The following KIRREL3 variants were observed in gnomAD, a reference collection of about 807,000 sequenced individuals.
KIRREL3 encodes kirre like nephrin family adhesion molecule 3.
KIRREL3 carries 36 observed loss-of-function variants against 89.7 expected under a neutral mutation model. That is an observed-to-expected ratio of 0.40 (90% CI 0.31 to 0.53). The LOEUF (loss-of-function observed/expected upper bound fraction) is 0.53. KIRREL3 is among the 20% of genes least tolerant of loss of function. The pLI is 0.49. For synonymous variants in KIRREL3, 445 were observed against 441.4 expected (o/e 1.01, Z -0.10); for missense variants, 864 against 1,056.6 (o/e 0.82, Z 2.53).
At chr11:126,716,915 T>C (rs1481718898) in intron 1 of KIRREL3, among the ~76,000 whole-genome samples, 2 of 152,054 alleles carry the variant, frequency 1.3e-5, no homozygotes, top group Non-Finnish European at 2.9e-5. Flanking sequence ...CCTGGTTACC[T>C]GGGAAGGCGG....
chr11:126,954,825 C>T lies in KIRREL3; in HGVS notation c.55+45630G>A, dbSNP rs1044776881. On this transcript the variant is annotated intron_variant, in intron 1 of 16. Transcript: ENST00000525144. This position sits in a 1 kb window ranked among gnomAD's most constrained non-coding sequence, Gnocchi z 4.1. ...TTTCTCATAGAAGGCAGAAATTTAT[C>T]TCCTGGAGTGTTCACCTATCATCAT... is the stretch of plus-strand genomic sequence containing the variant. Among the ~76,000 whole-genome samples the T allele has an allele frequency of 6.6e-6, 1 of 152,140 alleles. No homozygotes were observed. Among genetic ancestry groups the T allele is most frequent in the Non-Finnish European group, 1.5e-5 (1 of 68,038 alleles).
chr11:126,788,718 G>A lies in KIRREL3; in HGVS notation c.55+211737C>T, dbSNP rs1009796713. ...AAAGGCCCTACAATTGCTATCAAAG[G>A]AACTGATTGTTTTGATCTGGAAGCC... On this transcript the variant is annotated intron_variant, in intron 1 of 16. Transcript: ENST00000525144. The surrounding 1 kb of genome is among the most constrained non-coding windows in gnomAD (Gnocchi z 4.1). Among the ~76,000 whole-genome samples, 1 of 152,146 alleles carries A rather than the reference G, an allele frequency of 6.6e-6. No individual in the cohort carries two copies. Among genetic ancestry groups the A allele is most frequent in the African/African-American group, 2.4e-5 (1 of 41,434 alleles).
At chr11:126,586,534 G>A (rs1941867349) in intron 1 of KIRREL3, among the ~76,000 whole-genome samples, 1 of 151,976 alleles carries the variant, frequency 6.6e-6, no homozygotes, top group Non-Finnish European at 1.5e-5. Flanking sequence ...AGGCATCGGT[G>A]TTGTTACTTT....
At chr11:126,839,917 G>A (rs1946060) in intron 1 of KIRREL3, among the ~76,000 whole-genome samples, 38,387 of 152,112 alleles carry the variant, frequency 0.25, 4,906 homozygotes, top group Admixed American at 0.31. Flanking sequence ...GGACAAGGAT[G>A]AATCCTCTTC....
chr11:126,759,959 A>G (rs573072834), intron 1 of KIRREL3, among the ~76,000 whole-genome samples: 1 of 152,142 alleles, frequency 6.6e-6, no homozygotes, highest in East Asian at 1.9e-4. Flanking sequence ...TAACACAGAC[A>G]TCCCATGCCA....
intron 2 of KIRREL3, among the ~76,000 whole-genome samples, chr11:126,547,047 T>C (rs1377832722): frequency 1.3e-5 from 2 of 152,226 alleles, no homozygotes; most frequent in Non-Finnish European, 2.9e-5. Context: ...AAATAAATAA[T>C]CTGTATAGTA....
At chr11:126,503,173 A>G (rs983031506) in intron 4 of KIRREL3, among the ~76,000 whole-genome samples, 22 of 152,110 alleles carry the variant, frequency 1.4e-4, no homozygotes, top group East Asian at 5.8e-4. Context: ...CTGTTTTTCT[A>G]TGGTTTGGTG....
intron 1 of KIRREL3, among the ~76,000 whole-genome samples, chr11:126,785,692 G>T (rs769626891): frequency 3.9e-5 from 6 of 151,926 alleles, no homozygotes; most frequent in Non-Finnish European, 8.8e-5. Context: ...CATCCAACAT[G>T]GTGAAACTCT....
Position 126,684,291 on chromosome 11 carries a change from G to A in KIRREL3, c.56-121379C>T, listed in dbSNP as rs1442686014. Among the ~76,000 whole-genome samples the A allele has an allele frequency of 6.6e-6, 1 of 152,238 alleles. No homozygotes were observed. The highest frequency in any genetic ancestry group is 1.5e-5 in the Non-Finnish European group (1 of 68,050). ...CCCATTTCTGCCCTTCTGAAAGCGGGAGTTAGACTAGATTGGGGCTTTCAA... is the reference window on the plus strand; with the variant it reads ...CCCATTTCTGCCCTTCTGAAAGCGGAAGTTAGACTAGATTGGGGCTTTCAA... On this transcript the variant is annotated intron_variant, in intron 1 of 16. Transcript: ENST00000525144. The surrounding 1 kb of genome is among the most constrained non-coding windows in gnomAD (Gnocchi z 4.2).
intron 2 of KIRREL3, among the ~76,000 whole-genome samples, chr11:126,538,794 A>G (rs898949613): frequency 6.6e-6 from 1 of 152,166 alleles, no homozygotes; most frequent in South Asian, 2.1e-4. Context: ...TGGGGTGTGC[A>G]GGAGGGGCTG....
chr11:126,748,284 G>A lies in KIRREL3; in HGVS notation c.56-185372C>T, dbSNP rs1193983002. On this transcript the variant is annotated intron_variant, in intron 1 of 16. Coordinates refer to ENST00000525144, the MANE Select transcript of KIRREL3 (RefSeq NM_032531.4). This position sits in a 1 kb window ranked among gnomAD's most constrained non-coding sequence, Gnocchi z 4.6. ...TTTACTCCCTTGCCCAGGCTTCAGC[G>A]GCAGAAGACAGTGTAAGCCCCAGGA... Among the ~76,000 whole-genome samples the A allele has an allele frequency of 2.0e-5, 3 of 152,120 alleles. No individual in the cohort carries two copies. The highest frequency in any genetic ancestry group is 1.9e-4 in the East Asian group (1 of 5,180).
chr11:126,570,143 C>T lies in KIRREL3; in HGVS notation c.56-7231G>A, dbSNP rs1358561316. 4.6e-5 allele frequency among the ~76,000 whole-genome samples: 7 copies of T among 152,084 alleles called. No individual in the cohort carries two copies. The highest frequency in any genetic ancestry group is 4.6e-4 in the Admixed American group (7 of 15,280). ...GACGAGTGATAAATGTTTAATTAGC[C>T]CAATAATACCTGTTTTATAATTTTT... On this transcript the variant is annotated intron_variant, in intron 1 of 16. Transcript: ENST00000525144. The surrounding 1 kb of genome is among the most constrained non-coding windows in gnomAD (Gnocchi z 6.1).
In KIRREL3 at chr11:126,459,106, A is replaced by G. The variant is rs1412721917; in HGVS notation, c.743-2652T>C. 6.6e-6 allele frequency among the ~76,000 whole-genome samples: 1 copy of G among 152,098 alleles called. No homozygotes were observed. Among genetic ancestry groups the G allele is most frequent in the Non-Finnish European group, 1.5e-5 (1 of 68,022 alleles). ...ACGCATTGCTGGCCCGTGCCCTCGC[A>G]TTATAAAGGCCAACGCTGGGACGTG... On this transcript the variant is annotated intron_variant, in intron 6 of 16. Transcript: ENST00000525144. The surrounding 1 kb of genome is among the most constrained non-coding windows in gnomAD (Gnocchi z 4.8).
At chr11:126,698,794 G>A (rs1319687681) in intron 1 of KIRREL3, among the ~76,000 whole-genome samples, 2 of 152,220 alleles carry the variant, frequency 1.3e-5, no homozygotes, top group African/African-American at 4.8e-5. Flanking sequence ...TTCTCTCCCT[G>A]CTCTGGCAGT....
In KIRREL3 at chr11:126,686,458, C is replaced by A. The variant is rs956314399; in HGVS notation, c.56-123546G>T. Among the ~76,000 whole-genome samples the A allele has an allele frequency of 4.7e-5, 7 of 148,590 alleles. No homozygotes were observed. The highest frequency in any genetic ancestry group is 1.5e-5 in the Non-Finnish European group (1 of 66,958). On this transcript the variant is annotated intron_variant, in intron 1 of 16. Transcript: ENST00000525144. This position sits in a 1 kb window ranked among gnomAD's most constrained non-coding sequence, Gnocchi z 4.7. Reference sequence around the variant, plus strand: ...TCTGTGGAAGAGAATGGAAGATACACAAAGGAAGGGAGTCCCAAGCTGAAT... The same window carrying A: ...TCTGTGGAAGAGAATGGAAGATACAAAAAGGAAGGGAGTCCCAAGCTGAAT...
rs113351620 is a variant in KIRREL3 at position 126,870,145 on chromosome 11, C to T, written c.55+130310G>A. Among the ~76,000 whole-genome samples, 1,598 of 152,240 alleles carry T rather than the reference C, an allele frequency of 0.01. 21 individuals are homozygous for T. The highest frequency in any genetic ancestry group is 0.036 in the African/African-American group (1,479 of 41,528). ...ATTAATGACCAGGAGTGAGTGTGGG[C>T]GAGTGTGGGGCACAGGGTCGTATGT... On this transcript the variant is annotated intron_variant, in intron 1 of 16. Transcript: ENST00000525144. This position sits in a 1 kb window ranked among gnomAD's most constrained non-coding sequence, Gnocchi z 4.4.
intron 1 of KIRREL3, among the ~76,000 whole-genome samples, chr11:126,632,975 C>T (rs1423111095): frequency 1.3e-5 from 2 of 151,602 alleles, no homozygotes; most frequent in African/African-American, 4.9e-5. Context: ...GCCTGTAGTC[C>T]CAGCTATTCG....
chr11:126,427,163 A>G lies in KIRREL3; in HGVS notation c.1807-1439T>C. ...CCGTTTGGGATGAAGGACACACATG[A>G]TTAAGCTTAAGTATAGAGACGTCAT... On this transcript the variant is annotated intron_variant, in intron 15 of 16. Transcript: ENST00000525144. The surrounding 1 kb of genome is among the most constrained non-coding windows in gnomAD (Gnocchi z 5.3). 6.6e-6 allele frequency among the ~76,000 whole-genome samples: 1 copy of G among 152,166 alleles called. No individual in the cohort carries two copies. Among genetic ancestry groups the G allele is most frequent in the East Asian group, 1.9e-4 (1 of 5,196 alleles).
intron 1 of KIRREL3, among the ~76,000 whole-genome samples, chr11:126,825,114 T>C (rs1474909283): frequency 1.3e-5 from 2 of 152,160 alleles, no homozygotes; most frequent in African/African-American, 4.8e-5. Context: ...CAATGATAAA[T>C]ATGGGCTCCT....
Sources: gnomAD v4.1 joint callset for allele counts (sites outside exome capture counted in the v4.1 genomes callset) on GRCh38, gnomAD v4.1.1 for gene constraint, Gnocchi (gnomAD v3.1) non-coding constraint, MANE v1.5 for transcripts, NCBI Gene and HGNC (gene_info 2026-07-23, HGNC 2026-07-21) for gene names.